Variants in TTYH2 observed in about 807,000 individuals in gnomAD.
TTYH2 encodes the protein protein tweety homolog 2.
A neutral mutation model predicts 68.3 loss-of-function variants in TTYH2; 49 were observed. The ratio of observed to expected loss-of-function variants is 0.72; its 90% CI spans 0.57 to 0.91. TTYH2 has a LOEUF of 0.91. Among genes scored for constraint, TTYH2 ranks in the 40% least tolerant of loss-of-function variants. The pLI, the probability that TTYH2 is intolerant of heterozygous loss-of-function variation, is 0.00. For missense variants in TTYH2, 631 were observed against 700.4 expected, an observed-to-expected ratio of 0.90 and a Z score of 1.12; for synonymous variants, 272 against 300.8, an observed-to-expected ratio of 0.90 and a Z score of 0.99.
intron 4 of TTYH2, among the ~76,000 whole-genome samples, chr17:74,238,179 A>G (rs2050463177): frequency 6.6e-6 from 1 of 152,160 alleles, no homozygotes; most frequent in Non-Finnish European, 1.5e-5. Context: ...CACATGCTTC[A>G]TAGGTTCCTC....
At chr17:74,243,940 C>G (rs755962666) in intron 5 of TTYH2, 37 bp from the exon 6 acceptor site, 1 of 1,602,460 alleles carries the variant, frequency 6.2e-7, no homozygotes, top group East Asian at 2.2e-5. Context: ...AGGAAGGGGA[C>G]CCCGCCTGCC....
intron 2 of TTYH2, among the ~76,000 whole-genome samples, chr17:74,227,399 A>G (rs1242723659): frequency 2.0e-5 from 3 of 152,200 alleles, no homozygotes; most frequent in African/African-American, 7.2e-5. Flanking sequence ...GGAAAACACT[A>G]AATCGTGACT....
At position 74,222,715 on chromosome 17, in the gene TTYH2, G is replaced by T. The variant is rs879942732; in HGVS notation, c.302+58G>T. ...GTGACTCAGTCTGCAAGGGGCCAGGGACTGTTTGACCATGTTCTGACGGAG... is the reference window on the plus strand; with the variant it reads ...GTGACTCAGTCTGCAAGGGGCCAGGTACTGTTTGACCATGTTCTGACGGAG... On this transcript the variant is annotated intron_variant, in intron 2 of 13. Coordinates refer to ENST00000269346, the MANE Select transcript of TTYH2 (RefSeq NM_032646.6). This position sits in a 1 kb window ranked among gnomAD's most constrained non-coding sequence, Gnocchi z 5.2. The T allele has an allele frequency of 4.7e-5, 71 of 1,524,064 alleles. No individual in the cohort carries two copies. The highest frequency in any genetic ancestry group is 5.8e-5 in the Non-Finnish European group (66 of 1,134,952). The allele number at this position is 1,524,064 out of a possible 1,614,324, so 94.4% of individuals were successfully genotyped here.
intron 11 of TTYH2, among the ~76,000 whole-genome samples, chr17:74,252,702 G>A (rs1267946179): frequency 2.6e-5 from 4 of 152,232 alleles, no homozygotes; most frequent in African/African-American, 9.6e-5. Flanking sequence ...TTGGTGCTGG[G>A]AGGGGTGCCC....
intron 13 of TTYH2, among the ~76,000 whole-genome samples, chr17:74,258,887 A>G (rs1041877058): frequency 4.6e-5 from 7 of 151,808 alleles, no homozygotes; most frequent in African/African-American, 1.7e-4. Context: ...CTCCTCCCCA[A>G]CCCCAGCCCA....
rs151221545 is a variant in TTYH2, at chr17:74,236,602, C to G, written c.415-692C>G. Among the ~76,000 whole-genome samples the G allele has an allele frequency of 1.4e-3, 206 of 152,334 alleles. No homozygotes were observed. The Middle Eastern group carries it at 0.017, about 13-fold the overall frequency. On this transcript the variant is annotated intron_variant, in intron 3 of 13. Coordinates refer to ENST00000269346, the MANE Select transcript of TTYH2 (RefSeq NM_032646.6). ...ACAGGATAGCCTCCTTAGTAGAGAG[C>G]AACAGAGGCTCCAGAGGGCAGGGAT...
At chr17:74,216,431 T>C (rs181015371) in intron 1 of TTYH2, among the ~76,000 whole-genome samples, 1 of 152,058 alleles carries the variant, frequency 6.6e-6, no homozygotes, top group Admixed American at 6.5e-5. Context: ...AAGGGGGTTC[T>C]TGGAAGTGCA....
chr17:74,260,645 C>T lies in TTYH2; in HGVS notation c.*436C>T, dbSNP rs1391033808. The T allele has an allele frequency of 4.8e-6, 1 of 209,292 alleles. No individual in the cohort carries two copies. The highest frequency in any genetic ancestry group is 1.0e-5 in the Non-Finnish European group (1 of 99,744). The allele number at this position is 209,292 out of a possible 1,614,324, so 13.0% of individuals were successfully genotyped here. A position where few individuals can be genotyped will look rare whatever the true frequency, so the allele number is the denominator to read the frequency against. On this transcript the variant is annotated 3_prime_UTR_variant, in exon 14 of 14. Coordinates refer to ENST00000269346, the MANE Select transcript of TTYH2 (RefSeq NM_032646.6). ...CCAAGAGCCCAGACGACCCCTCTGT[C>T]CTCGTTCCCTGTCCTCGTTCCCTGC...
Position 74,249,980 on chromosome 17 carries a change from G to T in TTYH2, c.975G>T (p.Gln325His), listed in dbSNP as rs1343702987. The change falls in exon 9 of 14, where the codon CAG becomes CAT. Residue 325 changes from glutamine (Q) to histidine (H), a missense_variant. By Grantham distance (24) the Gln-to-His change is conservative (BLOSUM62 0). Coordinates refer to ENST00000269346, the MANE Select transcript of TTYH2 (RefSeq NM_032646.6). ...FQRALTTMQI[Q>H]VAGLLQFAVP... ...GCGCACTTACCACCATGCAGATCCA[G>T]GTCGCGGGGCTGCTGCAGTTTGCCG... 6.2e-7 allele frequency: 1 copy of T among 1,614,140 alleles called. No individual in the cohort carries two copies. The highest frequency in any genetic ancestry group is 1.3e-5 in the African/African-American group (1 of 75,036).
rs2050738547 is a variant in TTYH2, at chr17:74,260,434, C to T, written c.*225C>T. ...CCCTGCTCTCCACACCAGAAATGCC[C>T]CCAGGTGCTTGGCTGCCTCAGAGGT... On this transcript the variant is annotated 3_prime_UTR_variant, in exon 14 of 14. Transcript: ENST00000269346. The T allele has an allele frequency of 1.8e-6, 1 of 557,042 alleles. No homozygotes were observed. Among genetic ancestry groups the T allele is most frequent in the African/African-American group, 1.9e-5 (1 of 52,882 alleles). The allele number at this position is 557,042 out of a possible 1,614,324, so 34.5% of individuals were successfully genotyped here.
Position 74,253,100 on chromosome 17 carries a change from A to G in TTYH2, c.1279A>G (p.Ile427Val), listed in dbSNP as rs575374581. Residue 427 changes from isoleucine to valine, a missense_variant, in exon 12 of 14, where the codon ATT becomes GTT. Coordinates refer to ENST00000269346, the MANE Select transcript of TTYH2 (RefSeq NM_032646.6). ...TTCTAGAAACAGAGACTACGATGAC[A>G]TTGATGATGATGACCCCTTTAACCC... is the stretch of plus-strand genomic sequence containing the variant. ...FTTRNRDYDD[I>V]DDDDPFNPQA... is the part of the protein sequence containing the mutation. The G allele has an allele frequency of 9.9e-6, 16 of 1,613,742 alleles. 1 individual carries two copies. In the East Asian group the frequency reaches 1.3e-4, roughly 13 times the overall value.
At position 74,217,143 on chromosome 17, in the gene TTYH2, T is replaced by C. The variant is rs150817589; in HGVS notation, c.129+3427T>C. Among the ~76,000 whole-genome samples the C allele has an allele frequency of 4.5e-3, 682 of 152,326 alleles. 5 individuals are homozygous for C. Among genetic ancestry groups the C allele is most frequent in the Middle Eastern group, 0.01 (3 of 294 alleles). On this transcript the variant is annotated intron_variant, in intron 1 of 13. Coordinates refer to ENST00000269346, the MANE Select transcript of TTYH2 (RefSeq NM_032646.6). This position sits in a 1 kb window ranked among gnomAD's most constrained non-coding sequence, Gnocchi z 4.0. ...CAGCCCCTCAGGGGAGACCAGACAC[T>C]GATGAGCTCAGTTCTTGAAACATCT...
chr17:74,230,545 G>A (rs1241649963), intron 2 of TTYH2, among the ~76,000 whole-genome samples: 1 of 152,152 alleles, frequency 6.6e-6, no homozygotes, highest in African/African-American at 2.4e-5. Flanking sequence ...GTTTTAGGGT[G>A]GAGTAAGAGG....
intron 1 of TTYH2, among the ~76,000 whole-genome samples, chr17:74,221,903 C>T (rs1227085407): frequency 1.3e-5 from 2 of 152,184 alleles, no homozygotes; most frequent in African/African-American, 2.4e-5. Flanking sequence ...TGGACCCCAA[C>T]ACCTAGAACA....
intron 2 of TTYH2, among the ~76,000 whole-genome samples, chr17:74,225,341 T>C (rs1326006616): frequency 6.6e-6 from 1 of 150,900 alleles, no homozygotes; most frequent in Non-Finnish European, 1.5e-5. Flanking sequence ...TGTCACGGGG[T>C]CAGAAGACAC....
intron 13 of TTYH2, among the ~76,000 whole-genome samples, chr17:74,255,539 C>T (rs1438660754): frequency 6.6e-6 from 1 of 152,142 alleles, no homozygotes; most frequent in Admixed American, 6.5e-5. Flanking sequence ...ACAACCTCCA[C>T]CTCCCAGGTT....
At position 74,249,064 on chromosome 17, in the gene TTYH2, G is replaced by A. The variant is rs559942923; in HGVS notation, c.858G>A (p.Glu286=). The stretch of plus-strand genomic sequence containing the variant: ...ACACCTTCATCCTGAACGTCACGGA[G>A]GGCCAGATCAGCACAGGTAACTACA... ...APDTFILNVT[E]GQISTEVTRY... Residue 286 remains glutamate (E), a synonymous_variant, in exon 7 of 14, where the codon GAG becomes GAA. Coordinates refer to ENST00000269346, the MANE Select transcript of TTYH2 (RefSeq NM_032646.6). 1.1e-5 allele frequency: 18 copies of A among 1,614,164 alleles called. No individual in the cohort carries two copies. Among genetic ancestry groups the A allele is most frequent in the African/African-American group, 9.3e-5 (7 of 75,032 alleles).
chr17:74,247,315 G>A (rs1300173927), intron 6 of TTYH2, among the ~76,000 whole-genome samples: 1 of 152,076 alleles, frequency 6.6e-6, no homozygotes, highest in African/African-American at 2.4e-5. Context: ...AATTCAAGAT[G>A]AGATCTGGGT....
chr17:74,237,749 C>G (rs960884230), intron 4 of TTYH2, among the ~76,000 whole-genome samples: 2 of 152,238 alleles, frequency 1.3e-5, no homozygotes, highest in Admixed American at 6.5e-5. Flanking sequence ...GCCTCAGCCT[C>G]CCTCCCAAGT....
Sources: gnomAD v4.1 joint callset for allele counts (sites outside exome capture counted in the v4.1 genomes callset) on GRCh38, gnomAD v4.1.1 for gene constraint, Gnocchi (gnomAD v3.1) non-coding constraint, MANE v1.5 for transcripts, NCBI Gene and HGNC (gene_info 2026-07-23, HGNC 2026-07-21) for gene names.